The following PTPRG variants were observed in gnomAD, a reference collection of about 807,000 sequenced individuals.
PTPRG encodes the protein receptor-type tyrosine-protein phosphatase gamma.
Under a neutral mutation model 165.3 loss-of-function variants are expected in PTPRG, and 102 were observed. That is an observed-to-expected ratio of 0.62 (90% CI 0.53 to 0.73). The LOEUF is 0.73. PTPRG is among the 30% of genes least tolerant of loss of function. PTPRG has a pLI of 0.00. For missense variants in PTPRG, 1,866 were observed against 1,861.4 expected (o/e 1.00, Z -0.05); for synonymous variants, 675 against 669.5 (o/e 1.01, Z -0.13).
intron 2 of PTPRG, among the ~76,000 whole-genome samples, chr3:61,940,726 C>T (rs62243240): frequency 0.075 from 11,344 of 150,978 alleles, 891 homozygotes; most frequent in East Asian, 0.43. Flanking sequence ...TGCAGTGGCG[C>T]GATCTTGGCT....
chr3:61,887,243 A>G (rs2038077494), intron 2 of PTPRG, among the ~76,000 whole-genome samples: 1 of 146,710 alleles, frequency 6.8e-6, no homozygotes, highest in Non-Finnish European at 1.5e-5. Context: ...GAGAGAAGGA[A>G]AGTTGAAAAA....
At chr3:62,085,417 A>C (rs996897037) in intron 5 of PTPRG, among the ~76,000 whole-genome samples, 2 of 152,158 alleles carry the variant, frequency 1.3e-5, no homozygotes, top group East Asian at 1.9e-4. Context: ...TCTCCATTCT[A>C]TAGTGCGTTC....
intron 2 of PTPRG, among the ~76,000 whole-genome samples, chr3:61,909,680 C>A (rs552839254): frequency 1.3e-5 from 2 of 152,238 alleles, no homozygotes; most frequent in African/African-American, 4.8e-5. Context: ...GCCATGGCAT[C>A]TGACCTCAAC....
At chr3:61,933,437 A>G (rs2039410129) in intron 2 of PTPRG, among the ~76,000 whole-genome samples, 1 of 152,206 alleles carries the variant, frequency 6.6e-6, no homozygotes, top group Admixed American at 6.5e-5. Flanking sequence ...CATCTATAAA[A>G]TAGTCATGAT....
chr3:62,141,598 TAAC>T (rs1274312353), intron 6 of PTPRG, among the ~76,000 whole-genome samples: 2 of 150,840 alleles, frequency 1.3e-5, no homozygotes, highest in African/African-American at 4.9e-5. Context: ...GACCTGGTCT[TAAC>T]AAAAAAGAAG....
At chr3:61,834,713 T>C (rs2036409915) in intron 2 of PTPRG, among the ~76,000 whole-genome samples, 1 of 152,110 alleles carries the variant, frequency 6.6e-6, no homozygotes, top group Admixed American at 6.5e-5. Context: ...CTCAGGAAGC[T>C]GAGGCAGGAG....
At chr3:62,039,008 C>T (rs1436514975) in intron 4 of PTPRG, among the ~76,000 whole-genome samples, 1 of 152,142 alleles carries the variant, frequency 6.6e-6, no homozygotes, top group Non-Finnish European at 1.5e-5. Flanking sequence ...GATCTCAGTT[C>T]ACTGCAACTT....
In PTPRG at chr3:61,818,397, A is replaced by G. The variant is rs1461670152; in HGVS notation, c.190+69415A>G. On this transcript the variant is annotated intron_variant, in intron 2 of 29. Transcript: ENST00000474889. ...AGAAGTAGAAATAAAATAATGTCTC[A>G]GAAATTAAGAATAAATTAGAAAGAA... is the stretch of plus-strand genomic sequence containing the variant. Among the ~76,000 whole-genome samples, 7 of 152,166 alleles carry G rather than the reference A, an allele frequency of 4.6e-5. No homozygotes were observed. In the East Asian group the frequency reaches 1.3e-3, roughly 29 times the overall value.
chr3:61,982,835 T>G (rs1191040252), intron 2 of PTPRG, among the ~76,000 whole-genome samples: 1 of 152,178 alleles, frequency 6.6e-6, no homozygotes, highest in Non-Finnish European at 1.5e-5. Context: ...CCTGGGAAAT[T>G]AGACAGATAA....
chr3:62,086,547 T>C (rs893081951), intron 5 of PTPRG, among the ~76,000 whole-genome samples: 2 of 152,228 alleles, frequency 1.3e-5, no homozygotes, highest in African/African-American at 2.4e-5. Flanking sequence ...AATTTATTCC[T>C]TTCCAGTTGC....
At chr3:61,629,363 C>T (rs1400293566) in intron 1 of PTPRG, among the ~76,000 whole-genome samples, 2 of 152,050 alleles carry the variant, frequency 1.3e-5, no homozygotes, top group African/African-American at 2.4e-5. Flanking sequence ...CCATGTTGGC[C>T]AGGCTGGTCT....
rs146568347 is a variant in PTPRG at position 61,961,797 on chromosome 3, C to T, written c.191-27828C>T. Among the ~76,000 whole-genome samples, 57 of 152,268 alleles carry T rather than the reference C, an allele frequency of 3.7e-4. 1 individual carries two copies. In the East Asian group the frequency reaches 0.011, roughly 29 times the overall value. ...ATCAACCCAGGGGACTTGTAAGAAACACCCATTTCTACAACCCATCATCCC... is the reference window on the plus strand; with the variant it reads ...ATCAACCCAGGGGACTTGTAAGAAATACCCATTTCTACAACCCATCATCCC... On this transcript the variant is annotated intron_variant, in intron 2 of 29. Coordinates refer to ENST00000474889, the MANE Select transcript of PTPRG (RefSeq NM_002841.4).
chr3:62,222,307 T>C lies in PTPRG; in HGVS notation c.2288+3324T>C, dbSNP rs1203731380. Among the ~76,000 whole-genome samples the C allele has an allele frequency of 1.3e-5, 2 of 152,224 alleles. No individual in the cohort carries two copies. The highest frequency in any genetic ancestry group is 2.9e-5 in the Non-Finnish European group (2 of 68,038). On this transcript the variant is annotated intron_variant, in intron 13 of 29. Transcript: ENST00000474889. This position sits in a 1 kb window ranked among gnomAD's most constrained non-coding sequence, Gnocchi z 4.5. ...CAGGACTTGGCTGGTTTGGTCTGTC[T>C]GTGTTTCTCTTGCCGTCAGTTTCTG... is the stretch of plus-strand genomic sequence containing the variant.
In PTPRG at chr3:62,243,866, C is replaced by G. The variant is rs757797762; in HGVS notation, c.2435C>G (p.Pro812Arg). The change falls in exon 15 of 30, where the codon CCT becomes CGT. Residue 812 changes from proline to arginine, a missense_variant. By Grantham distance (103) the Pro-to-Arg change is moderately radical. Around this residue, in one of 3 missense-constraint regions of PTPRG, gnomAD observed 1,452 missense variants for 1,463.0 expected, o/e 0.99. Transcript: ENST00000474889. ...VEDSSSPRVV[P>R]NESIPIIPIP... Reference sequence around the variant, plus strand: ...GACAGCAGTTCACCTCGAGTGGTCCCTAATGAAAGTATCCCTATTATTCCT... The same window carrying G: ...GACAGCAGTTCACCTCGAGTGGTCCGTAATGAAAGTATCCCTATTATTCCT... The G allele has an allele frequency of 3.8e-6, 6 of 1,585,096 alleles. No homozygotes were observed. The highest frequency in any genetic ancestry group is 5.2e-6 in the Non-Finnish European group (6 of 1,154,438).
At position 61,572,958 on chromosome 3, in the gene PTPRG, C is replaced by T. The variant is rs140612530; in HGVS notation, c.85+10586C>T. Among the ~76,000 whole-genome samples, 209 of 152,252 alleles carry T rather than the reference C, an allele frequency of 1.4e-3. 2 individuals carry two copies. Among genetic ancestry groups the T allele is most frequent in the African/African-American group, 4.8e-3 (199 of 41,550 alleles). ...TGGATTGGTCATGTATAACCATGTG[C>T]GTGGGCACATGCGCTAGTGCACACA... On this transcript the variant is annotated intron_variant, in intron 1 of 29. Transcript: ENST00000474889.
chr3:62,200,634 T>C (rs903650768), intron 10 of PTPRG, among the ~76,000 whole-genome samples: 1 of 152,192 alleles, frequency 6.6e-6, no homozygotes, highest in Non-Finnish European at 1.5e-5. Flanking sequence ...AAAAAATTTT[T>C]TTCTAAGTTA....
intron 4 of PTPRG, among the ~76,000 whole-genome samples, chr3:62,005,088 TC>T (rs1353174085): frequency 6.6e-5 from 10 of 152,216 alleles, no homozygotes; most frequent in African/African-American, 9.6e-5. Context: ...TATCCACTGT[TC>T]CTGGAGAAAC....
At chr3:61,769,190 G>A (rs185688858) in intron 2 of PTPRG, 10 of 152,264 alleles carry the variant, frequency 6.6e-5, no homozygotes, top group Admixed American at 1.3e-4. Flanking sequence ...CCTTAAGAGG[G>A]TGATGATATA....
At chr3:61,850,733 T>A (rs2107363555) in intron 2 of PTPRG, among the ~76,000 whole-genome samples, 1 of 152,348 alleles carries the variant, frequency 6.6e-6, no homozygotes, top group East Asian at 1.9e-4. Context: ...AACATCTGTC[T>A]TCGTGCATCC....
Sources: gnomAD v4.1 joint callset for allele counts (sites outside exome capture counted in the v4.1 genomes callset) on GRCh38, gnomAD v4.1.1 for gene constraint, gnomAD v4.1.1 regional missense constraint, Gnocchi (gnomAD v3.1) non-coding constraint, MANE v1.5 for transcripts, NCBI Gene and HGNC (gene_info 2026-07-23, HGNC 2026-07-21) for gene names.